The following ANKRD52 variants were observed in gnomAD, a reference collection of about 807,000 sequenced individuals.
ANKRD52 encodes ankyrin repeat domain 52.
Under a neutral mutation model 116.0 loss-of-function variants are expected in ANKRD52, and 7 were observed. The ratio of observed to expected loss-of-function variants is 0.06; its 90% CI spans 0.03 to 0.11. The LOEUF (loss-of-function observed/expected upper bound fraction) is 0.11, where lower values mean the gene tolerates loss of function less well. Among genes scored for constraint, ANKRD52 ranks in the 10% least tolerant of loss-of-function variants. The pLI, the probability that ANKRD52 is intolerant of heterozygous loss-of-function variation, is 1.00. For missense variants in ANKRD52, 839 were observed against 1,408.6 expected, an observed-to-expected ratio of 0.60 and a Z score of 6.47; for synonymous variants, 528 against 578.1, an observed-to-expected ratio of 0.91 and a Z score of 1.24.
Position 56,244,167 on chromosome 12 carries a change from A to T in ANKRD52, c.2806-34T>A. On this transcript the variant is annotated intron_variant, in intron 25 of 27. Coordinates refer to ENST00000267116, the MANE Select transcript of ANKRD52 (RefSeq NM_173595.4). This position sits in a 1 kb window ranked among gnomAD's most constrained non-coding sequence, Gnocchi z 4.9. ...GGGGAACAGAGAGTGGAGACTTGTG[A>T]AGTAGAAATGTGGCAGGGTGCAGGG... The T allele has an allele frequency of 6.2e-7, 1 of 1,610,176 alleles. No homozygotes were observed. Among genetic ancestry groups the T allele is most frequent in the South Asian group, 1.1e-5 (1 of 90,994 alleles).
rs1871155908 is a variant in ANKRD52 at position 56,241,236 on chromosome 12, T to C, written c.*1906A>G. ...AATCCTTCTCATCAATAATGGTCAT[T>C]TGGAAGCCTTGAAATGATTTAGGAA... On this transcript the variant is annotated 3_prime_UTR_variant, in exon 28 of 28. Coordinates refer to ENST00000267116, the MANE Select transcript of ANKRD52 (RefSeq NM_173595.4). The C allele has an allele frequency of 6.6e-6, 1 of 152,070 alleles. No individual in the cohort carries two copies. Among genetic ancestry groups the C allele is most frequent in the African/African-American group, 2.4e-5 (1 of 41,404 alleles). The allele number at this position is 152,070 out of a possible 1,614,324, so 9.4% of individuals were successfully genotyped here. A position where few individuals can be genotyped will look rare whatever the true frequency, so the allele number is the denominator to read the frequency against.
At chr12:56,245,906 A>G (rs796124545) in intron 20 of ANKRD52, among the ~76,000 whole-genome samples, 8 of 149,990 alleles carry the variant, frequency 5.3e-5, no homozygotes, top group African/African-American at 2.0e-4. Flanking sequence ...TAGTAGAGAC[A>G]GGGTTTCACC....
At chr12:56,251,628 T>C (rs1400300206) in intron 15 of ANKRD52, among the ~76,000 whole-genome samples, 2 of 151,730 alleles carry the variant, frequency 1.3e-5, no homozygotes, top group Non-Finnish European at 2.9e-5. Context: ...ATAAACAAAT[T>C]ATTTTGTACA....
chr12:56,253,593 G>C lies in ANKRD52; in HGVS notation c.985+129C>G. On this transcript the variant is annotated intron_variant, in intron 9 of 27. Coordinates refer to ENST00000267116, the MANE Select transcript of ANKRD52 (RefSeq NM_173595.4). This position sits in a 1 kb window ranked among gnomAD's most constrained non-coding sequence, Gnocchi z 5.5. ...GCAGGGCCATTTCCACAGGTCCCTT[G>C]GTCAGAGTTCCAAGGGCCTATCCTA... 9.3e-7 allele frequency: 1 copy of C among 1,073,978 alleles called. No homozygotes were observed. The highest frequency in any genetic ancestry group is 1.5e-5 in the South Asian group (1 of 66,902). The allele number at this position is 1,073,978 out of a possible 1,614,324, so 66.5% of individuals were successfully genotyped here.
Position 56,254,158 on chromosome 12 carries a change from C to T in ANKRD52, c.815G>A (p.Gly272Asp). 6.2e-7 allele frequency: 1 copy of T among 1,613,926 alleles called. No individual in the cohort carries two copies. Among genetic ancestry groups the T allele is most frequent in the Non-Finnish European group, 8.5e-7 (1 of 1,179,870 alleles). ...GANVNQPNDKGFTPLHVAAVS... is the reference protein window; with the variant it reads ...GANVNQPNDKDFTPLHVAAVS... ...TGCAGCCACATGCAGTGGCGTGAAG[C>T]CCTTGTCATTCGGCTGGTTGACATT... The change falls in exon 8 of 28, where the codon GGC (glycine) becomes GAC (aspartate). Residue 272 changes from glycine (G) to aspartate (D), a missense_variant. Transcript: ENST00000267116. The surrounding 1 kb of genome is among the most constrained non-coding windows in gnomAD (Gnocchi z 4.6).
chr12:56,257,183 G>A lies in ANKRD52; in HGVS notation c.191-98C>T, dbSNP rs1194870480. 5.8e-6 allele frequency: 9 copies of A among 1,548,184 alleles called. No individual in the cohort carries two copies. In the East Asian group the frequency reaches 1.6e-4, roughly 28 times the overall value. On this transcript the variant is annotated intron_variant, in intron 3 of 27. Coordinates refer to ENST00000267116, the MANE Select transcript of ANKRD52 (RefSeq NM_173595.4). ...GAAATCTGAATGGAGCTGGAGCCTC[G>A]CCTGGACCAAGCCGGGGAGAGCAAT...
Position 56,244,284 on chromosome 12 carries a change from A to C in ANKRD52, c.2805+69T>G. On this transcript the variant is annotated intron_variant, in intron 25 of 27. Transcript: ENST00000267116. This position sits in a 1 kb window ranked among gnomAD's most constrained non-coding sequence, Gnocchi z 4.9. ...TCACTTCTGCCCCAGTCCCCTCTGC[A>C]ACCGAGACTTACCTCTCTTCATCAA... 1 of 1,575,806 alleles carries C rather than the reference A, an allele frequency of 6.3e-7. No homozygotes were observed. The highest frequency in any genetic ancestry group is 8.7e-7 in the Non-Finnish European group (1 of 1,147,282).
chr12:56,256,729 A>T (rs1871972121), intron 4 of ANKRD52, among the ~76,000 whole-genome samples: 1 of 152,182 alleles, frequency 6.6e-6, no homozygotes. Context: ...GGGGGATCAG[A>T]CTCAAGGTGG....
rs962973688 is a variant in ANKRD52 at position 56,238,663 on chromosome 12, G to C, written c.*4479C>G. 4 of 151,408 alleles carry C rather than the reference G, an allele frequency of 2.6e-5. No individual in the cohort carries two copies. Among genetic ancestry groups the C allele is most frequent in the East Asian group, 2.0e-4 (1 of 5,108 alleles). 9.4% of individuals were successfully genotyped at this position (151,408 alleles called of 1,614,324 possible). On this transcript the variant is annotated 3_prime_UTR_variant, in exon 28 of 28. Transcript: ENST00000267116. ...CTTCTGTGGCCTGGAGCTGGAGAAGGGGGTAGGAGACTTCATCCTCCATCC... is the reference window on the plus strand; with the variant it reads ...CTTCTGTGGCCTGGAGCTGGAGAAGCGGGTAGGAGACTTCATCCTCCATCC...
In ANKRD52 at chr12:56,255,163, C is replaced by T; in HGVS notation, c.463-211G>A. ...GGAACTTTAAGGGAAACAAGAGAGTCTCTTCAGGTGATCTGGTGGTTCTTA... is the reference window on the plus strand; with the variant it reads ...GGAACTTTAAGGGAAACAAGAGAGTTTCTTCAGGTGATCTGGTGGTTCTTA... On this transcript the variant is annotated intron_variant, in intron 5 of 27. Transcript: ENST00000267116. The surrounding 1 kb of genome is among the most constrained non-coding windows in gnomAD (Gnocchi z 4.3). 2.0e-6 allele frequency: 1 copy of T among 490,732 alleles called. No individual in the cohort carries two copies. The allele number at this position is 490,732 out of a possible 1,614,324, so 30.4% of individuals were successfully genotyped here. A position where few individuals can be genotyped will look rare whatever the true frequency, so the allele number is the denominator to read the frequency against.
At position 56,254,363 on chromosome 12, in the gene ANKRD52, C is replaced by A; in HGVS notation, c.694-84G>T. 1.3e-6 allele frequency: 2 copies of A among 1,492,482 alleles called. No homozygotes were observed. Among genetic ancestry groups the A allele is most frequent in the South Asian group, 2.4e-5 (2 of 84,630 alleles). 92.5% of individuals were successfully genotyped at this position (1,492,482 alleles called of 1,614,324 possible). A position where few individuals can be genotyped will look rare whatever the true frequency, so the allele number is the denominator to read the frequency against. Reference sequence around the variant, plus strand: ...CATGTAGCCTCCAGATCCCAGAAATCCAACGACTGCCTCATTTCCTCTCGG... The same window carrying A: ...CATGTAGCCTCCAGATCCCAGAAATACAACGACTGCCTCATTTCCTCTCGG... On this transcript the variant is annotated intron_variant, in intron 7 of 27. Coordinates refer to ENST00000267116, the MANE Select transcript of ANKRD52 (RefSeq NM_173595.4). This position sits in a 1 kb window ranked among gnomAD's most constrained non-coding sequence, Gnocchi z 4.6.
Position 56,239,744 on chromosome 12 carries a change from T to A in ANKRD52, c.*3398A>T, listed in dbSNP as rs1308570755. The A allele has an allele frequency of 6.6e-6, 1 of 152,198 alleles. No individual in the cohort carries two copies. Among genetic ancestry groups the A allele is most frequent in the Non-Finnish European group, 1.5e-5 (1 of 68,074 alleles). The allele number at this position is 152,198 out of a possible 1,614,324, so 9.4% of individuals were successfully genotyped here. A position where few individuals can be genotyped will look rare whatever the true frequency, so the allele number is the denominator to read the frequency against. ...TGTAGAACCGTTCACTCTGGCCCCA[T>A]CCACCCCACCTCCAGCCTCTTCTCC... On this transcript the variant is annotated 3_prime_UTR_variant, in exon 28 of 28. Transcript: ENST00000267116.
intron 15 of ANKRD52, among the ~76,000 whole-genome samples, chr12:56,249,164 A>G (rs953425136): frequency 6.6e-6 from 1 of 152,104 alleles, no homozygotes; most frequent in Admixed American, 6.5e-5. Flanking sequence ...TCTGCTGACC[A>G]ACATGCTTTC....
chr12:56,244,640 GC>G lies in ANKRD52; in HGVS notation c.2722+11del. On this transcript the variant is annotated intron_variant, in intron 24 of 27. Transcript: ENST00000267116. This position sits in a 1 kb window ranked among gnomAD's most constrained non-coding sequence, Gnocchi z 4.9. ...GGGGAGCTCCTCCCTTCCACAAGTG[GC>G]CCCTACACACCCACAGCAGCGGTCT... is the stretch of plus-strand genomic sequence containing the variant. 6.2e-7 allele frequency: 1 copy of G among 1,613,296 alleles called. No individual in the cohort carries two copies. Among genetic ancestry groups the G allele is most frequent in the Non-Finnish European group, 8.5e-7 (1 of 1,179,798 alleles).
Position 56,255,676 on chromosome 12 carries a change from T to C in ANKRD52, c.462+108A>G, listed in dbSNP as rs1420183779. 15 of 1,022,772 alleles carry C rather than the reference T, an allele frequency of 1.5e-5. No individual in the cohort carries two copies. The highest frequency in any genetic ancestry group is 2.2e-5 in the Non-Finnish European group (15 of 696,956). 63.4% of individuals were successfully genotyped at this position (1,022,772 alleles called of 1,614,324 possible). On this transcript the variant is annotated intron_variant, in intron 5 of 27. Coordinates refer to ENST00000267116, the MANE Select transcript of ANKRD52 (RefSeq NM_173595.4). This position sits in a 1 kb window ranked among gnomAD's most constrained non-coding sequence, Gnocchi z 4.3. ...TTCAGCTTAAGTGTTTATATAACCA[T>C]CCGGGCTGCTTCTCCTTCAGGCTTG...
rs1565605779 is a variant in ANKRD52 at position 56,241,163 on chromosome 12, A to G, written c.*1979T>C. On this transcript the variant is annotated 3_prime_UTR_variant, in exon 28 of 28. Transcript: ENST00000267116. ...GAGGGAGGTGGGCAAGAGGGGCGTC[A>G]CAAGGCCCTTTGGCTTTGAAAATAA... is the stretch of plus-strand genomic sequence containing the variant. 6.6e-6 allele frequency: 1 copy of G among 152,138 alleles called. No homozygotes were observed. The highest frequency in any genetic ancestry group is 2.4e-5 in the African/African-American group (1 of 41,422). 9.4% of individuals were successfully genotyped at this position (152,138 alleles called of 1,614,324 possible).
chr12:56,257,272 C>G lies in ANKRD52; in HGVS notation c.190+11G>C. ...CCCTATGTGCCACACCTTCCAGCTC[C>G]CCACTTTCACCTGACATCAGTAGCA... On this transcript the variant is annotated intron_variant, in intron 3 of 27. Transcript: ENST00000267116. 1 of 1,586,634 alleles carries G rather than the reference C, an allele frequency of 6.3e-7. No homozygotes were observed.
rs1321505373 is a variant in ANKRD52 at position 56,252,490 on chromosome 12, A to T, written c.1370+12T>A. The stretch of plus-strand genomic sequence containing the variant: ...AGATATTCCCTATGTTTACCCCTGC[A>T]TATTAGCATACCTGCCAAATTTGTC... On this transcript the variant is annotated intron_variant, in intron 13 of 27. Transcript: ENST00000267116. This position sits in a 1 kb window ranked among gnomAD's most constrained non-coding sequence, Gnocchi z 4.7. 6.2e-7 allele frequency: 1 copy of T among 1,612,208 alleles called. No individual in the cohort carries two copies. The highest frequency in any genetic ancestry group is 1.1e-5 in the South Asian group (1 of 91,064).
chr12:56,251,114 T>C (rs1046551429), intron 15 of ANKRD52, among the ~76,000 whole-genome samples: 1 of 151,904 alleles, frequency 6.6e-6, no homozygotes, highest in Non-Finnish European at 1.5e-5. Context: ...CTAATTTTTA[T>C]ATTTTTAGTA....
Sources: allele counts gnomAD v4.1 joint callset (sites outside exome capture counted in the v4.1 genomes callset), GRCh38; gene constraint gnomAD v4.1.1; non-coding constraint Gnocchi (gnomAD v3.1); transcripts MANE v1.5; gene names NCBI Gene and HGNC (gene_info 2026-07-23, HGNC 2026-07-21).